Variants in KCNJ15 observed in about 807,000 individuals in gnomAD.
KCNJ15 encodes the protein potassium inwardly rectifying channel subfamily J member 15, also known as ATP-sensitive inward rectifier potassium channel 15.
In KCNJ15, 14 loss-of-function variants were observed where a neutral mutation model predicts 23.0. That is an observed-to-expected ratio of 0.61 (90% CI 0.40 to 0.95). The LOEUF (loss-of-function observed/expected upper bound fraction) is 0.95. Among genes scored for constraint, KCNJ15 ranks in the 40% least tolerant of loss-of-function variants. The pLI is 0.00. For synonymous variants in KCNJ15, 185 were observed against 183.2 expected (o/e 1.01, Z -0.08); for missense variants, 388 against 461.8 (o/e 0.84, Z 1.46).
At chr21:38,231,138 A>T (rs977821561) in intron 1 of KCNJ15, among the ~76,000 whole-genome samples, 4 of 152,030 alleles carry the variant, frequency 2.6e-5, no homozygotes, top group Non-Finnish European at 5.9e-5. Flanking sequence ...TTACAGCATC[A>T]TAGTATTCAC....
chr21:38,275,160 C>T lies in KCNJ15; in HGVS notation c.-117+17975C>T, dbSNP rs574461520. On this transcript the variant is annotated intron_variant, in intron 1 of 2. Transcript: ENST00000398938. Reference sequence around the variant, plus strand: ...TGAATTTTACCTGGTGGCAAACCAACGTGGTGATTCTCTTGAATTCATGTA... The same window carrying T: ...TGAATTTTACCTGGTGGCAAACCAATGTGGTGATTCTCTTGAATTCATGTA... 3.9e-5 allele frequency among the ~76,000 whole-genome samples: 6 copies of T among 152,232 alleles called. No individual in the cohort carries two copies. The South Asian group carries it at 1.0e-3, about 26-fold the overall frequency.
chr21:38,282,291 A>G (rs1006146282), intron 1 of KCNJ15, among the ~76,000 whole-genome samples: 3 of 152,186 alleles, frequency 2.0e-5, no homozygotes, highest in African/African-American at 7.2e-5. Flanking sequence ...TCTGGTGTAA[A>G]GAAGCAAACA....
chr21:38,272,950 A>T (rs936764962), intron 1 of KCNJ15, among the ~76,000 whole-genome samples: 6 of 152,226 alleles, frequency 3.9e-5, no homozygotes, highest in African/African-American at 1.4e-4. Context: ...TATGCCAAAG[A>T]CTGCTTTCAA....
In KCNJ15 at chr21:38,302,408, A is replaced by G. The variant is rs1985862858; in HGVS notation, c.*2019A>G. The stretch of plus-strand genomic sequence containing the variant: ...GGCAGGTGTAAGAATAGTGGGAGGA[A>G]AGTTTGTGAAAGTTTAAAGAATGCC... On this transcript the variant is annotated 3_prime_UTR_variant, in exon 3 of 3. Transcript: ENST00000398938. 6.6e-6 allele frequency: 1 copy of G among 152,174 alleles called. No homozygotes were observed. Among genetic ancestry groups the G allele is most frequent in the African/African-American group, 2.4e-5 (1 of 41,436 alleles). 9.4% of individuals were successfully genotyped at this position (152,174 alleles called of 1,614,324 possible). A position where few individuals can be genotyped will look rare whatever the true frequency, so the allele number is the denominator to read the frequency against.
intron 1 of KCNJ15, among the ~76,000 whole-genome samples, chr21:38,262,477 A>C (rs1479012073): frequency 1.3e-5 from 2 of 152,210 alleles, no homozygotes; most frequent in African/African-American, 4.8e-5. Context: ...TTAATAACAA[A>C]ACTGACTGTG....
At chr21:38,284,716 A>G (rs183592872) in intron 1 of KCNJ15, among the ~76,000 whole-genome samples, 12 of 152,178 alleles carry the variant, frequency 7.9e-5, no homozygotes, top group African/African-American at 2.9e-4. Flanking sequence ...ACAAAGCCAC[A>G]TGCAGGGGCA....
chr21:38,292,649 C>A (rs906253652), intron 1 of KCNJ15, among the ~76,000 whole-genome samples: 7 of 151,984 alleles, frequency 4.6e-5, no homozygotes, highest in Admixed American at 1.3e-4. Flanking sequence ...AGTCATAGAC[C>A]AACATTCAGA....
intron 1 of KCNJ15, among the ~76,000 whole-genome samples, chr21:38,287,099 TA>T (rs1454049807): frequency 6.6e-6 from 1 of 152,218 alleles, no homozygotes; most frequent in Non-Finnish European, 1.5e-5. Flanking sequence ...TTTATCTGTT[TA>T]AACACTTTAT....
At chr21:38,279,173 ACGGG>A (rs1983064660) in intron 1 of KCNJ15, among the ~76,000 whole-genome samples, 1 of 152,140 alleles carries the variant, frequency 6.6e-6, no homozygotes, top group South Asian at 2.1e-4. Context: ...CTGAGGGTCT[ACGGG>A]AGGAAGGGAG....
intron 1 of KCNJ15, among the ~76,000 whole-genome samples, chr21:38,275,853 T>TG (rs1982633479): frequency 1.3e-5 from 2 of 152,326 alleles, no homozygotes; most frequent in South Asian, 4.1e-4. Flanking sequence ...TCTCCTATTT[T>TG]TTTTTCCTAC....
chr21:38,258,403 C>T (rs1275510285), intron 1 of KCNJ15, among the ~76,000 whole-genome samples: 4 of 152,230 alleles, frequency 2.6e-5, no homozygotes, highest in African/African-American at 7.2e-5. Context: ...ACTTACCTCA[C>T]ACACAGCTTC....
Position 38,299,326 on chromosome 21 carries a change from T to G in KCNJ15, c.65T>G (p.Leu22Arg). 2 of 1,614,164 alleles carry G rather than the reference T, an allele frequency of 1.2e-6. No homozygotes were observed. The highest frequency in any genetic ancestry group is 8.5e-7 in the Non-Finnish European group (1 of 1,180,008). Reference sequence around the variant, plus strand: ...GTGAAGCACACTGCTGGGGCTGGGCTCAAGGCCAACAGACCCCGCGTCATG... The same window carrying G: ...GTGAAGCACACTGCTGGGGCTGGGCGCAAGGCCAACAGACCCCGCGTCATG... ...PLVKHTAGAGLKANRPRVMSK... is the reference protein window; with the variant it reads ...PLVKHTAGAGRKANRPRVMSK... The change falls in exon 3 of 3, where the codon CTC (leucine) becomes CGC (arginine). Residue 22 changes from leucine (L) to arginine (R), a missense_variant. Transcript: ENST00000398938. This position sits in a 1 kb window ranked among gnomAD's most constrained non-coding sequence, Gnocchi z 4.5.
intron 1 of KCNJ15, among the ~76,000 whole-genome samples, chr21:38,245,895 T>G (rs1279506732): frequency 1.3e-5 from 2 of 152,150 alleles, no homozygotes; most frequent in African/African-American, 4.8e-5. Flanking sequence ...AATTCAGAGG[T>G]GGCTGTCCAG....
chr21:38,248,467 A>G (rs1006021201), intron 1 of KCNJ15, among the ~76,000 whole-genome samples: 2 of 152,270 alleles, frequency 1.3e-5, no homozygotes. Context: ...TAAACTATTT[A>G]ACTATTCAAG....
Position 38,300,398 on chromosome 21 carries a change from G to T in KCNJ15, c.*9G>T. ...AACAGAGCAATGTCTGATCACAGGG[G>T]CGCCATCCAGGTTTAACCCTGCAAG... On this transcript the variant is annotated 3_prime_UTR_variant, in exon 3 of 3. Coordinates refer to ENST00000398938, the MANE Select transcript of KCNJ15 (RefSeq NM_170736.3). 6.3e-7 allele frequency: 1 copy of T among 1,588,072 alleles called. No individual in the cohort carries two copies. Among genetic ancestry groups the T allele is most frequent in the South Asian group, 1.1e-5 (1 of 87,136 alleles).
At chr21:38,234,432 T>G (rs1340843127) in intron 1 of KCNJ15, among the ~76,000 whole-genome samples, 2 of 152,182 alleles carry the variant, frequency 1.3e-5, no homozygotes, top group Non-Finnish European at 2.9e-5. Flanking sequence ...CAGCCCTGGG[T>G]TCCTGGCCGA....
chr21:38,252,375 T>C (rs1298595312), upstream of KCNJ15, among the ~76,000 whole-genome samples: 1 of 152,180 alleles, frequency 6.6e-6, no homozygotes, highest in African/African-American at 2.4e-5. Context: ...ATTATGGTCC[T>C]ATAACACTTA....
chr21:38,250,834 C>T (rs1249011876), intron 1 of KCNJ15, among the ~76,000 whole-genome samples: 26 of 152,318 alleles, frequency 1.7e-4, no homozygotes. Context: ...TGAAATTATT[C>T]AGGGTGATAA....
At chr21:38,243,043 G>C (rs967319574) in intron 1 of KCNJ15, among the ~76,000 whole-genome samples, 1 of 152,174 alleles carries the variant, frequency 6.6e-6, no homozygotes, top group African/African-American at 2.4e-5. Context: ...TGTGACTTCA[G>C]CTCAGTTATT....
Sources: allele counts gnomAD v4.1 joint callset (sites outside exome capture counted in the v4.1 genomes callset), GRCh38; gene constraint gnomAD v4.1.1; non-coding constraint Gnocchi (gnomAD v3.1); transcripts MANE v1.5; gene names NCBI Gene and HGNC (gene_info 2026-07-23, HGNC 2026-07-21).